XPA: variants seen among roughly 807,000 people sequenced by gnomAD.
The protein encoded by XPA is XPA, DNA damage recognition and repair factor, also known as DNA repair protein complementing XP-A cells.
In XPA, 27 loss-of-function variants were observed where a neutral mutation model predicts 35.7. The observed-to-expected ratio is 0.76, with a 90% confidence interval of 0.56 to 1.04. The LOEUF is 1.04. Ranked by LOEUF, XPA falls within the 50% of genes least tolerant of loss-of-function variation. The pLI is 0.00. For missense variants in XPA, 354 were observed against 342.7 expected (o/e 1.03, Z -0.26); for synonymous variants, 133 against 118.4 (o/e 1.12, Z -0.80).
At chr9:97,658,254 T>C in the XPA span, among the ~76,000 whole-genome samples, 1 of 152,168 alleles carries the variant, frequency 6.6e-6, no homozygotes, top group Non-Finnish European at 1.5e-5. Flanking sequence ...CTACACTTCT[T>C]CTCTACCATG....
At chr9:97,662,678 C>T in the XPA span, among the ~76,000 whole-genome samples, 1 of 152,166 alleles carries the variant, frequency 6.6e-6, no homozygotes, top group Non-Finnish European at 1.5e-5. Flanking sequence ...GAATATTTCA[C>T]CATGTTTGAA....
At chr9:97,671,205 A>AT, downstream of XPA, 9 of 1,566,236 alleles carry the variant, frequency 5.7e-6, no homozygotes, top group Non-Finnish European at 7.0e-6. Flanking sequence ...CCTAAGGGTC[A>AT]TTTTTTCCTC....
the XPA span, chr9:97,666,806 A>C: frequency 6.2e-7 from 1 of 1,610,148 alleles, no homozygotes; most frequent in African/African-American, 1.3e-5. Flanking sequence ...TCGTAAGATG[A>C]ACAAACATGT....
chr9:97,660,918 T>A, the XPA span: 8 of 1,591,030 alleles, frequency 5.0e-6, no homozygotes, highest in Non-Finnish European at 6.8e-6. Flanking sequence ...TGATCTGTCA[T>A]TCCCCTTACC....
intron 1 of XPA, among the ~76,000 whole-genome samples, chr9:97,694,255 C>T (rs1381542206): frequency 2.2e-5 from 3 of 138,950 alleles, no homozygotes; most frequent in South Asian, 4.4e-4. Context: ...TGTGTGTGTG[C>T]GTGCGCACGT....
At chr9:97,671,376 A>G (rs1828188291), downstream of XPA, 1 of 544,538 alleles carries the variant, frequency 1.8e-6, no homozygotes, top group Non-Finnish European at 3.3e-6. Flanking sequence ...AAAAGCAAAT[A>G]CTTCCTAACG....
the XPA span, chr9:97,666,694 A>C: frequency 9.5e-7 from 1 of 1,052,216 alleles, no homozygotes; most frequent in Non-Finnish European, 1.4e-6. Context: ...GAAATTACAA[A>C]AGTTGAAAGA....
the XPA span, chr9:97,662,860 A>G: frequency 1.1e-6 from 1 of 889,074 alleles, no homozygotes; most frequent in East Asian, 2.5e-5. Flanking sequence ...TATATATTGC[A>G]TTATAAATTG....
chr9:97,655,059 T>C, the XPA span: 5 of 835,998 alleles, frequency 6.0e-6, no homozygotes, highest in South Asian at 4.3e-5. Flanking sequence ...TTTTCTTGCC[T>C]CCCAAAATAA....
chr9:97,663,084 T>C, the XPA span: 3 of 1,469,780 alleles, frequency 2.0e-6, no homozygotes, highest in Non-Finnish European at 2.8e-6. Context: ...GAAGCTCTGA[T>C]TGTATGGGTA....
At chr9:97,677,038 A>G (rs1313338099) in intron 5 of XPA, among the ~76,000 whole-genome samples, 2 of 152,116 alleles carry the variant, frequency 1.3e-5, no homozygotes, top group African/African-American at 4.8e-5. Context: ...TGTAAGGAAG[A>G]TGTTGCCTAC....
In XPA at chr9:97,689,784, T is replaced by TTA. The variant is rs1554702022; in HGVS notation, c.284-146_284-145insTA. Reference sequence around the variant, plus strand: ...GACAAAATAAGACCTTATGTTTATCTAAAAAAAAAAATTAAAGAGGAAAAA... The same window carrying TTA: ...GACAAAATAAGACCTTATGTTTATCTTAAAAAAAAAAAATTAAAGAGGAAAAA... On this transcript the variant is annotated intron_variant, in intron 2 of 5. Transcript: ENST00000375128. 5,257 of 401,704 alleles carry TTA rather than the reference T, an allele frequency of 0.013. 185 individuals are homozygous for TTA. Among genetic ancestry groups the TTA allele is most frequent in the East Asian group, 0.1 (2,467 of 24,700 alleles). 24.9% of individuals were successfully genotyped at this position (401,704 alleles called of 1,614,324 possible). A position where few individuals can be genotyped will look rare whatever the true frequency, so the allele number is the denominator to read the frequency against.
chr9:97,658,075 A>T, the XPA span, among the ~76,000 whole-genome samples: 1 of 151,798 alleles, frequency 6.6e-6, no homozygotes, highest in Admixed American at 6.6e-5. Flanking sequence ...GTAAAGTAGT[A>T]ATGGAATATG....
the XPA span, chr9:97,658,869 A>G: frequency 1.4e-6 from 1 of 732,318 alleles, no homozygotes; most frequent in Non-Finnish European, 2.3e-6. Flanking sequence ...TGTATTTGAA[A>G]GGTGGTCTAT....
intron 5 of XPA, chr9:97,675,794 A>C: frequency 1.6e-6 from 1 of 626,314 alleles, no homozygotes. Flanking sequence ...CCTGTGAATC[A>C]AGTTGTCACT....
At chr9:97,671,385 C>A (rs886804288), downstream of XPA, 1 of 532,884 alleles carries the variant, frequency 1.9e-6, no homozygotes, top group Non-Finnish European at 3.3e-6. Context: ...TACTTCCTAA[C>A]GGCAGTAATG....
At chr9:97,678,790 G>A (rs1197024413) in intron 5 of XPA, among the ~76,000 whole-genome samples, 1 of 152,110 alleles carries the variant, frequency 6.6e-6, no homozygotes, top group Non-Finnish European at 1.5e-5. Context: ...CTCCAGATAT[G>A]AGGCCCGGAG....
In XPA at chr9:97,695,685, G is replaced by GT. The variant is rs1183660441; in HGVS notation, c.172+1435dup. Among the ~76,000 whole-genome samples the GT allele has an allele frequency of 2.6e-5, 4 of 152,084 alleles. No individual in the cohort carries two copies. The South Asian group carries it at 6.2e-4, about 24-fold the overall frequency. On this transcript the variant is annotated intron_variant, in intron 1 of 5. Coordinates refer to ENST00000375128, the MANE Select transcript of XPA (RefSeq NM_000380.4). The stretch of plus-strand genomic sequence containing the variant: ...GCACCACTCTTCGTATTCTAAGCAA[G>GT]TTTTTTCAGTCTTTCATGGCATATG...
At chr9:97,672,217 TTA>T (rs1223141119), downstream of XPA, 1 of 152,198 alleles carries the variant, frequency 6.6e-6, no homozygotes, top group Admixed American at 6.5e-5. Context: ...TCGAGGATTT[TTA>T]GACTTTTTTC....
Sources: gnomAD v4.1 joint callset for allele counts (sites outside exome capture counted in the v4.1 genomes callset) on GRCh38, gnomAD v4.1.1 for gene constraint, MANE v1.5 for transcripts, NCBI Gene and HGNC (gene_info 2026-07-23, HGNC 2026-07-21) for gene names.